The following EXOC4 variants were observed in gnomAD, a reference collection of about 807,000 sequenced individuals.
The protein encoded by EXOC4 is SEC8-like 1.
In EXOC4, 71 loss-of-function variants were observed where a neutral mutation model predicts 107.2. The ratio of observed to expected loss-of-function variants is 0.66; its 90% CI spans 0.55 to 0.81. The LOEUF (loss-of-function observed/expected upper bound fraction) is 0.81, where lower values mean the gene tolerates loss of function less well. EXOC4 is among the 30% of genes least tolerant of loss of function. The pLI is 0.00. For missense variants in EXOC4, 1,108 were observed against 1,189.6 expected (o/e 0.93, Z 1.01); for synonymous variants, 456 against 441.2 (o/e 1.03, Z -0.42).
intron 17 of EXOC4, among the ~76,000 whole-genome samples, chr7:134,052,852 G>C (rs1373432911): frequency 1.3e-5 from 2 of 152,156 alleles, no homozygotes; most frequent in Non-Finnish European, 2.9e-5. Flanking sequence ...ACGGATCTCT[G>C]TTGTCTCCCC....
chr7:133,730,721 C>T (rs1401166488), intron 10 of EXOC4, among the ~76,000 whole-genome samples: 1 of 152,114 alleles, frequency 6.6e-6, no homozygotes, highest in Non-Finnish European at 1.5e-5. Flanking sequence ...CAATCCAAAG[C>T]ATATTGAAAG....
At chr7:133,565,779 G>C (rs572511851) in intron 9 of EXOC4, among the ~76,000 whole-genome samples, 1 of 152,288 alleles carries the variant, frequency 6.6e-6, no homozygotes, top group Non-Finnish European at 1.5e-5. Context: ...ACTGAGTCTA[G>C]GGTGGGGCAG....
Position 133,421,444 on chromosome 7 carries a change from C to T in EXOC4, c.1182+46442C>T, listed in dbSNP as rs184328219. ...GACCTAACGTAAAGAGATTAGAATC[C>T]AAGGAAATTGTGGTACAGCTGACTT... is the stretch of plus-strand genomic sequence containing the variant. On this transcript the variant is annotated intron_variant, in intron 7 of 17. Transcript: ENST00000253861. Among the ~76,000 whole-genome samples, 155 of 152,176 alleles carry T rather than the reference C, an allele frequency of 1.0e-3. 2 individuals carry two copies. The highest frequency in any genetic ancestry group is 9.4e-3 in the Admixed American group (144 of 15,298).
intron 10 of EXOC4, among the ~76,000 whole-genome samples, chr7:133,708,435 T>C (rs554391691): frequency 5.4e-4 from 83 of 152,346 alleles, no homozygotes; most frequent in African/African-American, 1.9e-3. Flanking sequence ...TTAATTGACA[T>C]TGAATGGATT....
intron 11 of EXOC4, among the ~76,000 whole-genome samples, chr7:133,849,141 T>C (rs962838237): frequency 6.6e-5 from 10 of 152,128 alleles, no homozygotes; most frequent in Admixed American, 3.3e-4. Flanking sequence ...CCCAAGAGCA[T>C]AGAGACCAGG....
At chr7:133,448,414 C>A (rs1798266570) in intron 7 of EXOC4, among the ~76,000 whole-genome samples, 1 of 152,078 alleles carries the variant, frequency 6.6e-6, no homozygotes, top group Admixed American at 6.6e-5. Context: ...CCTCTCACCT[C>A]AGCTACCTTA....
intron 10 of EXOC4, among the ~76,000 whole-genome samples, chr7:133,773,135 G>A (rs1192430312): frequency 2.6e-5 from 4 of 151,950 alleles, no homozygotes; most frequent in Non-Finnish European, 4.4e-5. Flanking sequence ...GACATAAGAA[G>A]GCTCTCAGTG....
chr7:133,885,129 C>G (rs1463205076), intron 11 of EXOC4, among the ~76,000 whole-genome samples: 1 of 152,068 alleles, frequency 6.6e-6, no homozygotes, highest in Non-Finnish European at 1.5e-5. Context: ...GCCTGACTAA[C>G]ATGGTGAAAC....
At chr7:133,889,554 G>C (rs375752147) in intron 11 of EXOC4, among the ~76,000 whole-genome samples, 56 of 122,864 alleles carry the variant, frequency 4.6e-4, no homozygotes, top group South Asian at 1.5e-3. Context: ...GTATATCTCC[G>C]AATGCTATCC....
At chr7:133,310,347 A>ATGCC (rs1563012705) in intron 4 of EXOC4, among the ~76,000 whole-genome samples, 8 of 152,266 alleles carry the variant, frequency 5.3e-5, no homozygotes, top group African/African-American at 1.9e-4. Context: ...GCACTTGGAA[A>ATGCC]CTGTGACTTT....
chr7:133,404,680 C>T (rs569529800), intron 7 of EXOC4, among the ~76,000 whole-genome samples: 1 of 152,182 alleles, frequency 6.6e-6, no homozygotes, highest in Non-Finnish European at 1.5e-5. Context: ...GACCTGTGCA[C>T]AGCTGTCTTA....
chr7:133,564,728 A>AT (rs1045237087), intron 9 of EXOC4, among the ~76,000 whole-genome samples: 5 of 152,078 alleles, frequency 3.3e-5, no homozygotes, highest in Non-Finnish European at 5.9e-5. Flanking sequence ...TTCCCTTAAT[A>AT]TTTTTTAAGA....
At chr7:133,492,772 A>G (rs1316079866) in intron 9 of EXOC4, among the ~76,000 whole-genome samples, 1 of 152,092 alleles carries the variant, frequency 6.6e-6, no homozygotes, top group Non-Finnish European at 1.5e-5. Context: ...AAATCAAACT[A>G]TTAGCGATGT....
intron 1 of EXOC4, among the ~76,000 whole-genome samples, chr7:133,259,413 G>A (rs1795091859): frequency 6.6e-6 from 1 of 151,796 alleles, no homozygotes; most frequent in Non-Finnish European, 1.5e-5. Flanking sequence ...TTTTAGTAGA[G>A]ACAGGGTTTC....
chr7:134,093,532 CAAAG>C, the EXOC4 span, among the ~76,000 whole-genome samples: 5 of 152,102 alleles, frequency 3.3e-5, no homozygotes, highest in African/African-American at 7.2e-5. Context: ...AGAAAACTAA[CAAAG>C]AAATCCTGGA....
intron 5 of EXOC4, among the ~76,000 whole-genome samples, chr7:133,352,434 T>A (rs1267528887): frequency 6.6e-6 from 1 of 152,022 alleles, no homozygotes; most frequent in Non-Finnish European, 1.5e-5. Flanking sequence ...TCTCTTGTAA[T>A]CTTTTTTTGA....
chr7:133,953,323 C>A (rs771183695), intron 14 of EXOC4, among the ~76,000 whole-genome samples: 8 of 151,978 alleles, frequency 5.3e-5, no homozygotes, highest in Non-Finnish European at 1.2e-4. Context: ...GGTGGCCAGG[C>A]GCAGTGGCTC....
intron 6 of EXOC4, among the ~76,000 whole-genome samples, chr7:133,359,524 A>G (rs1796094185): frequency 6.6e-6 from 1 of 152,156 alleles, no homozygotes; most frequent in Non-Finnish European, 1.5e-5. Context: ...ACAGAGACCA[A>G]AAAATCCATG....
chr7:133,294,931 G>C (rs1794485510), intron 3 of EXOC4, among the ~76,000 whole-genome samples: 1 of 152,088 alleles, frequency 6.6e-6, no homozygotes, highest in Non-Finnish European at 1.5e-5. Context: ...CTTATGGTTA[G>C]TAAATTATCT....
Sources: allele counts gnomAD v4.1 joint callset (sites outside exome capture counted in the v4.1 genomes callset), GRCh38; gene constraint gnomAD v4.1.1; transcripts MANE v1.5; gene names NCBI Gene and HGNC (gene_info 2026-07-23, HGNC 2026-07-21).